Variants in ZNF423 observed in about 807,000 individuals in gnomAD.
The protein encoded by ZNF423 is zinc finger protein 423.
A neutral mutation model predicts 95.8 loss-of-function variants in ZNF423; 12 were observed. The ratio of observed to expected loss-of-function variants is 0.13; its 90% CI spans 0.08 to 0.20. ZNF423 has a LOEUF of 0.20. ZNF423 is among the 10% of genes least tolerant of loss of function. The pLI, the probability that ZNF423 is intolerant of heterozygous loss-of-function variation, is 1.00. For synonymous variants in ZNF423, 749 were observed against 711.9 expected, an observed-to-expected ratio of 1.05 and a Z score of -0.83; for missense variants, 1,316 against 1,737.1, an observed-to-expected ratio of 0.76 and a Z score of 4.31.
At chr16:49,509,348 C>T (rs776852596) in intron 7 of ZNF423, among the ~76,000 whole-genome samples, 6 of 152,144 alleles carry the variant, frequency 3.9e-5, no homozygotes, top group East Asian at 1.9e-4. Flanking sequence ...AATGCAGCCC[C>T]GGACAAGCCC....
At chr16:49,655,773 G>A (rs1304134467) in intron 3 of ZNF423, among the ~76,000 whole-genome samples, 2 of 152,178 alleles carry the variant, frequency 1.3e-5, no homozygotes, top group Non-Finnish European at 2.9e-5. Context: ...CCCACAGGAG[G>A]GGAGTGTGGA....
At chr16:49,785,289 C>T (rs1429987862) in intron 2 of ZNF423, among the ~76,000 whole-genome samples, 1 of 152,146 alleles carries the variant, frequency 6.6e-6, no homozygotes, top group Non-Finnish European at 1.5e-5. Flanking sequence ...CTATATTACC[C>T]AGGCTGGTCT....
intron 5 of ZNF423, among the ~76,000 whole-genome samples, chr16:49,532,513 G>T (rs925810898): frequency 6.6e-6 from 1 of 152,156 alleles, no homozygotes; most frequent in African/African-American, 2.4e-5. Flanking sequence ...TTTCACAAAG[G>T]CTTCTAAATG....
chr16:49,820,229 A>G (rs1437969150), intron 1 of ZNF423, among the ~76,000 whole-genome samples: 1 of 151,810 alleles, frequency 6.6e-6, no homozygotes, highest in African/African-American at 2.4e-5. Flanking sequence ...TTGAAGGCAG[A>G]CCCCCTACCT....
intron 1 of ZNF423, among the ~76,000 whole-genome samples, chr16:49,807,637 C>T (rs2034686128): frequency 6.6e-6 from 1 of 152,226 alleles, no homozygotes; most frequent in South Asian, 2.1e-4. Flanking sequence ...GACTTGGCCC[C>T]ATTGCCCACC....
chr16:49,608,762 A>T (rs1436751335), intron 5 of ZNF423, among the ~76,000 whole-genome samples: 4 of 152,222 alleles, frequency 2.6e-5, no homozygotes, highest in Non-Finnish European at 5.9e-5. Context: ...GGCAAAACAG[A>T]AAACGTTTAG....
At chr16:49,618,338 G>A (rs1304918481) in intron 5 of ZNF423, among the ~76,000 whole-genome samples, 1 of 152,172 alleles carries the variant, frequency 6.6e-6, no homozygotes, top group African/African-American at 2.4e-5. Context: ...TGACTGATAC[G>A]GTTTAGCTCT....
intron 3 of ZNF423, among the ~76,000 whole-genome samples, chr16:49,687,510 G>A (rs149608188): frequency 2.6e-4 from 40 of 152,300 alleles, no homozygotes; most frequent in African/African-American, 9.1e-4. Flanking sequence ...TGTAAGACCT[G>A]TAACACTCTC....
chr16:49,780,951 T>G (rs966356382), intron 2 of ZNF423, among the ~76,000 whole-genome samples: 1 of 152,204 alleles, frequency 6.6e-6, no homozygotes, highest in African/African-American at 2.4e-5. Context: ...GCACAAAAGG[T>G]GGACGCCACC....
At chr16:49,838,532 C>A (rs1424938737) in intron 1 of ZNF423, among the ~76,000 whole-genome samples, 1 of 152,186 alleles carries the variant, frequency 6.6e-6, no homozygotes, top group Non-Finnish European at 1.5e-5. Flanking sequence ...CCAGCCCCAC[C>A]CCAAAGCGGA....
At chr16:49,653,144 G>A (rs1411945861) in intron 3 of ZNF423, among the ~76,000 whole-genome samples, 9 of 151,986 alleles carry the variant, frequency 5.9e-5, no homozygotes, top group African/African-American at 1.7e-4. Flanking sequence ...AACCTCAGGC[G>A]GGTGGGAGGG....
chr16:49,563,872 T>G (rs1437278759), intron 5 of ZNF423, among the ~76,000 whole-genome samples: 4 of 152,278 alleles, frequency 2.6e-5, no homozygotes, highest in African/African-American at 9.6e-5. Flanking sequence ...ATTCCATGTC[T>G]GCTCAAGAGC....
chr16:49,849,540 G>T (rs2144120334), intron 1 of ZNF423, among the ~76,000 whole-genome samples: 1 of 152,268 alleles, frequency 6.6e-6, no homozygotes, highest in African/African-American at 2.4e-5. Flanking sequence ...CCACTGAAAT[G>T]TGAATGAGTT....
intron 7 of ZNF423, among the ~76,000 whole-genome samples, chr16:49,495,426 T>C (rs72784254): frequency 0.13 from 19,043 of 152,150 alleles, 1,322 homozygotes; most frequent in East Asian, 0.22. Flanking sequence ...AAAAGAGCCC[T>C]CTCTGTGCAA....
intron 1 of ZNF423, among the ~76,000 whole-genome samples, chr16:49,803,733 G>A (rs1415926587): frequency 6.6e-6 from 1 of 151,946 alleles, no homozygotes; most frequent in African/African-American, 2.4e-5. Context: ...AACAAACTAC[G>A]GTATGCTGGA....
chr16:49,858,671 G>A (rs1239867821), upstream of ZNF423, among the ~76,000 whole-genome samples: 1 of 150,508 alleles, frequency 6.6e-6, no homozygotes, highest in East Asian at 2.0e-4. The surrounding 1 kb of genome is among the most constrained non-coding windows in gnomAD (Gnocchi z 4.3). Flanking sequence ...CCCAGCTTGT[G>A]CGTCCAAGAG....
At chr16:49,780,974 G>A (rs1030121897) in intron 2 of ZNF423, among the ~76,000 whole-genome samples, 4 of 152,212 alleles carry the variant, frequency 2.6e-5, no homozygotes, top group Non-Finnish European at 4.4e-5. Flanking sequence ...CACACCAGCC[G>A]GAAGCCAAAG....
At chr16:49,768,763 G>A (rs1444399454) in intron 2 of ZNF423, among the ~76,000 whole-genome samples, 1 of 146,174 alleles carries the variant, frequency 6.8e-6, no homozygotes, top group Non-Finnish European at 1.5e-5. Flanking sequence ...ATCTGTCCCA[G>A]CCACACACTC....
At chr16:49,846,770 A>G (rs1054346578) in intron 1 of ZNF423, among the ~76,000 whole-genome samples, 1 of 152,108 alleles carries the variant, frequency 6.6e-6, no homozygotes, top group Non-Finnish European at 1.5e-5. Context: ...CCAAGTTCAA[A>G]ACTGCAGCCA....
Sources: gnomAD v4.1 joint callset for allele counts (sites outside exome capture counted in the v4.1 genomes callset) on GRCh38, gnomAD v4.1.1 for gene constraint, Gnocchi (gnomAD v3.1) non-coding constraint, MANE v1.5 for transcripts, NCBI Gene and HGNC (gene_info 2026-07-23, HGNC 2026-07-21) for gene names.